The following RELCH variants were observed in gnomAD, a reference collection of about 807,000 sequenced individuals.
The protein encoded by RELCH is RAB11 binding and LisH domain, coiled-coil and HEAT repeat containing.
A neutral mutation model predicts 150.3 loss-of-function variants in RELCH; 41 were observed. That is an observed-to-expected ratio of 0.27 (90% CI 0.21 to 0.35). The LOEUF is 0.35. Among genes scored for constraint, RELCH ranks in the 10% least tolerant of loss-of-function variants. RELCH has a pLI of 1.00. For synonymous variants in RELCH, 478 were observed against 531.8 expected, an observed-to-expected ratio of 0.90 and a Z score of 1.39; for missense variants, 1,092 against 1,467.8, an observed-to-expected ratio of 0.74 and a Z score of 4.18.
chr18:62,283,905 A>T (rs557655009), intron 25 of RELCH, among the ~76,000 whole-genome samples: 2 of 152,118 alleles, frequency 1.3e-5, no homozygotes, highest in East Asian at 3.9e-4. Flanking sequence ...TGGGTATTTG[A>T]TATGTTGTCA....
At chr18:62,222,896 AAAAAG>A (rs1568337663) in intron 5 of RELCH, among the ~76,000 whole-genome samples, 2 of 149,238 alleles carry the variant, frequency 1.3e-5, no homozygotes, top group Admixed American at 1.3e-4. Flanking sequence ...GCATGAGTTA[AAAAAG>A]AAAAGGGAAA....
intron 22 of RELCH, among the ~76,000 whole-genome samples, chr18:62,277,337 A>G (rs1048629639): frequency 1.3e-5 from 2 of 152,082 alleles, no homozygotes; most frequent in East Asian, 1.9e-4. Context: ...TTGAGAGACT[A>G]TTTCAATGTT....
rs185494317 is a variant in RELCH at position 62,245,389 on chromosome 18, G to A, written c.1733+513G>A. 2.9e-4 allele frequency among the ~76,000 whole-genome samples: 44 copies of A among 152,114 alleles called. No individual in the cohort carries two copies. The East Asian group carries it at 7.0e-3, about 24-fold the overall frequency. Reference sequence around the variant, plus strand: ...CTGTAATCCCAGGACTTTGGGAGGCGGAGGCAGGCAGATCATCTGAGGTCA... The same window carrying A: ...CTGTAATCCCAGGACTTTGGGAGGCAGAGGCAGGCAGATCATCTGAGGTCA... On this transcript the variant is annotated intron_variant, in intron 11 of 28. Coordinates refer to ENST00000644646, the MANE Select transcript of RELCH (RefSeq NM_001346231.2).
At chr18:62,192,698 G>A (rs894340525) in intron 1 of RELCH, among the ~76,000 whole-genome samples, 1 of 152,096 alleles carries the variant, frequency 6.6e-6, no homozygotes, top group Non-Finnish European at 1.5e-5. Flanking sequence ...ATGGTTGTAA[G>A]TATCCAGTCT....
intron 3 of RELCH, 30 bp downstream of exon 3, chr18:62,221,138 T>C (rs746454679): frequency 6.8e-6 from 11 of 1,607,880 alleles, no homozygotes; most frequent in Non-Finnish European, 8.5e-6. Context: ...TTTGAGACTT[T>C]TCAACTTTGA....
intron 28 of RELCH, among the ~76,000 whole-genome samples, chr18:62,302,967 C>G (rs532581540): frequency 6.6e-6 from 1 of 152,208 alleles, no homozygotes; most frequent in South Asian, 2.1e-4. Context: ...ACAAGGTAGC[C>G]CATTTCATTT....
intron 28 of RELCH, chr18:62,300,928 G>C (rs1202606936): frequency 6.6e-6 from 1 of 152,186 alleles, no homozygotes; most frequent in Non-Finnish European, 1.5e-5. Flanking sequence ...AATTCAGAGT[G>C]CTTACCATGG....
At position 62,187,279 on chromosome 18, in the gene RELCH, G is replaced by A. The variant is rs1189815810; in HGVS notation, c.-227G>A. ...CAGTTCTCGCGAGACTGGAGACCAGGAAGACGCCTGCAGAGCCGGGCTGCT... is the reference window on the plus strand; with the variant it reads ...CAGTTCTCGCGAGACTGGAGACCAGAAAGACGCCTGCAGAGCCGGGCTGCT... On this transcript the variant is annotated 5_prime_UTR_variant, in exon 1 of 29. Coordinates refer to ENST00000644646, the MANE Select transcript of RELCH (RefSeq NM_001346231.2). 1 of 361,360 alleles carries A rather than the reference G, an allele frequency of 2.8e-6. No homozygotes were observed. Among genetic ancestry groups the A allele is most frequent in the Admixed American group, 4.5e-5 (1 of 22,226 alleles). The allele number at this position is 361,360 out of a possible 1,614,324, so 22.4% of individuals were successfully genotyped here.
Position 62,252,012 on chromosome 18 carries a change from C to A in RELCH, c.1734-652C>A, listed in dbSNP as rs557413756. Among the ~76,000 whole-genome samples, 139 of 151,578 alleles carry A rather than the reference C, an allele frequency of 9.2e-4. 1 individual carries two copies. Among genetic ancestry groups the A allele is most frequent in the Non-Finnish European group, 1.5e-3 (105 of 67,820 alleles). ...AATTTTTTCTTTTTTTCTTTTTTTT[C>A]TTGAGACGGAGTCTCACTCTGTTGC... On this transcript the variant is annotated intron_variant, in intron 11 of 28. Coordinates refer to ENST00000644646, the MANE Select transcript of RELCH (RefSeq NM_001346231.2).
intron 1 of RELCH, among the ~76,000 whole-genome samples, chr18:62,202,766 G>A (rs1478931129): frequency 6.6e-6 from 1 of 152,130 alleles, no homozygotes; most frequent in African/African-American, 2.4e-5. Flanking sequence ...TAAAATATTA[G>A]AAGGAAGATG....
rs777752033 is a variant in RELCH at position 62,244,779 on chromosome 18, A to G, written c.1636A>G (p.Ile546Val). The stretch of plus-strand genomic sequence containing the variant: ...ATTTCTTTAGGAGTTGATCCCCCTC[A>G]TATTGTGTACAGCATGTCTACATCC... ...LAKREELIPLILCTACLHPEP... is the reference protein window; with the variant it reads ...LAKREELIPLVLCTACLHPEP... Residue 546 changes from isoleucine (I) to valine (V), a missense_variant, in exon 11 of 29, where the codon ATA becomes GTA. Ile to Val is a conservative substitution (Grantham distance 29). This residue lies in a region of RELCH where 707 missense variants were observed against 1,025.4 expected (regional missense o/e 0.69). Transcript: ENST00000644646. 6.2e-7 allele frequency: 1 copy of G among 1,611,208 alleles called. No homozygotes were observed. Among genetic ancestry groups the G allele is most frequent in the Non-Finnish European group, 8.5e-7 (1 of 1,177,498 alleles).
chr18:62,295,420 C>T (rs1336234822), intron 27 of RELCH, among the ~76,000 whole-genome samples: 3 of 150,896 alleles, frequency 2.0e-5, no homozygotes, highest in African/African-American at 7.3e-5. Flanking sequence ...TTGATTTTTC[C>T]CTACTGCTTT....
In RELCH at chr18:62,255,453, G is replaced by A. The variant is rs766341253; in HGVS notation, c.1871G>A (p.Cys624Tyr). Reference protein sequence around the residue: ...PERRLLVAESCGALAPYLPKE... With the variant: ...PERRLLVAESYGALAPYLPKE... Reference sequence around the variant, plus strand: ...AGACGACTGCTTGTGGCAGAATCCTGTGGAGCACTGGCACCTTACCTTCCT... The same window carrying A: ...AGACGACTGCTTGTGGCAGAATCCTATGGAGCACTGGCACCTTACCTTCCT... The change falls in exon 13 of 29, where the codon TGT becomes TAT. Residue 624 changes from cysteine to tyrosine, a missense_variant. This residue lies in a region of RELCH where 707 missense variants were observed against 1,025.4 expected (regional missense o/e 0.69). Transcript: ENST00000644646. The A allele has an allele frequency of 6.2e-7, 1 of 1,607,192 alleles. No homozygotes were observed. The highest frequency in any genetic ancestry group is 8.5e-7 in the Non-Finnish European group (1 of 1,177,552).
rs764428383 is a variant in RELCH at position 62,252,745 on chromosome 18, T to C, written c.1815T>C (p.Cys605=). 3 of 1,612,714 alleles carry C rather than the reference T, an allele frequency of 1.9e-6. No individual in the cohort carries two copies. Among genetic ancestry groups the C allele is most frequent in the African/African-American group, 2.7e-5 (2 of 74,884 alleles). Residue 605 remains cysteine (C), a synonymous_variant, in exon 12 of 29, where the codon TGT becomes TGC. Transcript: ENST00000644646. The part of the protein sequence containing the change: ...TRVEAELLPQ[C]WEQINHKYPE... ...TAGAAGCTGAACTTTTACCACAGTG[T>C]TGGGAACAGGTAAATAACTGTATTG...
At chr18:62,203,351 G>C (rs2039570537) in intron 1 of RELCH, among the ~76,000 whole-genome samples, 1 of 152,092 alleles carries the variant, frequency 6.6e-6, no homozygotes, top group African/African-American at 2.4e-5. Flanking sequence ...CAGCTACTCG[G>C]GAGGCTGAGG....
At chr18:62,301,493 C>T (rs1448559092) in intron 28 of RELCH, among the ~76,000 whole-genome samples, 1 of 152,200 alleles carries the variant, frequency 6.6e-6, no homozygotes, top group Admixed American at 6.5e-5. Flanking sequence ...TTCAGTAAAA[C>T]TTTATTTATA....
chr18:62,249,520 T>C (rs1218357884), intron 11 of RELCH, among the ~76,000 whole-genome samples: 1 of 152,224 alleles, frequency 6.6e-6, no homozygotes, highest in Non-Finnish European at 1.5e-5. Context: ...ATTAGTATTT[T>C]ATTTTTTCCT....
intron 1 of RELCH, among the ~76,000 whole-genome samples, chr18:62,195,054 A>G (rs1236723334): frequency 1.3e-5 from 2 of 152,224 alleles, no homozygotes; most frequent in Non-Finnish European, 1.5e-5. Context: ...AGAATAATCC[A>G]TATTTACAAA....
intron 12 of RELCH, 37 bp downstream of exon 12, chr18:62,252,791 A>G (rs745885392): frequency 6.9e-7 from 1 of 1,440,934 alleles, no homozygotes; most frequent in Non-Finnish European, 9.8e-7. Flanking sequence ...TAGCTATTAT[A>G]GCCTGATTTC....
Sources: allele counts gnomAD v4.1 joint callset (sites outside exome capture counted in the v4.1 genomes callset), GRCh38; gene constraint gnomAD v4.1.1; regional missense constraint gnomAD v4.1.1; transcripts MANE v1.5; gene names NCBI Gene and HGNC (gene_info 2026-07-23, HGNC 2026-07-21).